Variants in ULK4 observed in about 807,000 individuals in gnomAD.
ULK4 encodes inactive serine/threonine-protein kinase ULK4.
ULK4 carries 133 observed loss-of-function variants against 160.6 expected under a neutral mutation model. The ratio of observed to expected loss-of-function variants is 0.83; its 90% CI spans 0.72 to 0.96. The LOEUF (loss-of-function observed/expected upper bound fraction) is 0.96. ULK4 is among the 40% of genes least tolerant of loss of function. The pLI is 0.00. For missense variants in ULK4, 1,580 were observed against 1,499.5 expected, an observed-to-expected ratio of 1.05 and a Z score of -0.89; for synonymous variants, 534 against 539.8, an observed-to-expected ratio of 0.99 and a Z score of 0.15.
intron 25 of ULK4, among the ~76,000 whole-genome samples, chr3:41,711,830 A>G (rs1175307510): frequency 6.6e-6 from 1 of 152,208 alleles, no homozygotes; most frequent in Non-Finnish European, 1.5e-5. Flanking sequence ...TCCTTAATTT[A>G]CTACTTCCTG....
chr3:41,262,069 C>T (rs934775409), intron 35 of ULK4, among the ~76,000 whole-genome samples: 4 of 152,222 alleles, frequency 2.6e-5, no homozygotes, highest in Admixed American at 2.6e-4. Flanking sequence ...CTCTCTCCTG[C>T]ATCCCACCCC....
chr3:41,678,317 G>A (rs2125786103), intron 29 of ULK4, among the ~76,000 whole-genome samples: 1 of 151,748 alleles, frequency 6.6e-6, no homozygotes, highest in Admixed American at 6.6e-5. Context: ...CAGCAGTTCT[G>A]ATAAGCATCT....
chr3:41,522,056 T>C (rs1404085749), intron 32 of ULK4, among the ~76,000 whole-genome samples: 2 of 152,124 alleles, frequency 1.3e-5, no homozygotes, highest in Non-Finnish European at 2.9e-5. Context: ...ACATGTAGTG[T>C]TATACGTCCC....
chr3:41,398,001 C>G, intron 35 of ULK4, 78 bp downstream of exon 35: 1 of 1,474,348 alleles, frequency 6.8e-7, no homozygotes, highest in Non-Finnish European at 9.1e-7. Context: ...GAAATTAGGT[C>G]CAAGAAATGG....
At chr3:41,430,909 G>C (rs943878297) in intron 34 of ULK4, among the ~76,000 whole-genome samples, 1 of 152,060 alleles carries the variant, frequency 6.6e-6, no homozygotes, top group African/African-American at 2.4e-5. Flanking sequence ...AGGTTTGGGG[G>C]TGGGGGTGGC....
At chr3:41,686,617 A>C (rs1375057215) in intron 27 of ULK4, among the ~76,000 whole-genome samples, 2 of 152,220 alleles carry the variant, frequency 1.3e-5, no homozygotes, top group Non-Finnish European at 2.9e-5. Context: ...CTTGAAATTA[A>C]AAGAAAAGAT....
intron 17 of ULK4, among the ~76,000 whole-genome samples, chr3:41,847,362 A>G (rs929966930): frequency 1.3e-5 from 2 of 152,216 alleles, no homozygotes; most frequent in African/African-American, 4.8e-5. Flanking sequence ...TTAAACTTCC[A>G]TGTTAGTGGA....
At chr3:41,655,163 A>C (rs993672136) in intron 30 of ULK4, among the ~76,000 whole-genome samples, 1 of 151,830 alleles carries the variant, frequency 6.6e-6, no homozygotes, top group Non-Finnish European at 1.5e-5. Flanking sequence ...AAAATCGTTT[A>C]AATTATCTAG....
chr3:41,471,234 A>T (rs991558792), intron 32 of ULK4, among the ~76,000 whole-genome samples: 3 of 152,170 alleles, frequency 2.0e-5, no homozygotes, highest in Non-Finnish European at 4.4e-5. Context: ...TTTAAACCAA[A>T]ACTACAGAAA....
At chr3:41,466,863 G>A (rs1208036957) in intron 32 of ULK4, among the ~76,000 whole-genome samples, 1 of 151,908 alleles carries the variant, frequency 6.6e-6, no homozygotes, top group East Asian at 1.9e-4. Flanking sequence ...GATAATAAAA[G>A]TACAAATAAT....
At chr3:41,300,589 T>C (rs1320297087) in intron 35 of ULK4, among the ~76,000 whole-genome samples, 1 of 151,756 alleles carries the variant, frequency 6.6e-6, no homozygotes, top group Non-Finnish European at 1.5e-5. Context: ...GTGTGAACCT[T>C]TATCTTAAGG....
intron 12 of ULK4, among the ~76,000 whole-genome samples, chr3:41,906,161 G>A (rs1169437049): frequency 7.4e-6 from 1 of 134,540 alleles, no homozygotes; most frequent in African/African-American, 2.7e-5. Context: ...AGCTTGCAGT[G>A]AGCCGAGATC....
chr3:41,456,099 G>A (rs776999556), intron 33 of ULK4, among the ~76,000 whole-genome samples: 10 of 152,064 alleles, frequency 6.6e-5, no homozygotes, highest in Non-Finnish European at 1.3e-4. Context: ...TAGTAGAGAC[G>A]GGGTTTTGCC....
chr3:41,389,496 T>C (rs560992587), intron 35 of ULK4, among the ~76,000 whole-genome samples: 4 of 152,312 alleles, frequency 2.6e-5, no homozygotes, highest in Non-Finnish European at 5.9e-5. Context: ...CAGCATGATA[T>C]TGGCTGTGGG....
At chr3:41,736,543 G>C (rs1271626023) in intron 22 of ULK4, among the ~76,000 whole-genome samples, 1 of 151,780 alleles carries the variant, frequency 6.6e-6, no homozygotes, top group Non-Finnish European at 1.5e-5. Context: ...GGGGTTGTTT[G>C]GTTTTTCCTT....
rs1392865409 is a variant in ULK4, at chr3:41,883,946, G to A, written c.1584C>T (p.Ala528=). Residue 528 remains alanine, a synonymous_variant, in exon 17 of 37, where the codon GCC becomes GCT. Transcript: ENST00000301831. The stretch of plus-strand genomic sequence containing the variant: ...GTAAACCAATTACGTGAGCAACCTT[G>A]GCCCGTCTGTAAATGGAGAGAAAAC... ...LRIAPNWDIR[A]KVAHVIGLLA... is the part of the protein sequence containing the mutation. 6.2e-7 allele frequency: 1 copy of A among 1,608,946 alleles called. No homozygotes were observed. The highest frequency in any genetic ancestry group is 1.1e-5 in the South Asian group (1 of 90,960).
Position 41,392,220 on chromosome 3 carries a change from A to G in ULK4, c.3678+5859T>C, listed in dbSNP as rs140555861. On this transcript the variant is annotated intron_variant, in intron 35 of 36. Coordinates refer to ENST00000301831, the MANE Select transcript of ULK4 (RefSeq NM_017886.4). ...AAGCTAAAGCAGGAAGTATAATTAT[A>G]AAACCTCCCAACTTCCTGTTCAATT... 6.7e-3 allele frequency among the ~76,000 whole-genome samples: 1,018 copies of G among 152,266 alleles called. 4 individuals carry two copies. Among genetic ancestry groups the G allele is most frequent in the East Asian group, 0.015 (79 of 5,182 alleles).
chr3:41,492,174 T>C (rs1212600337), intron 32 of ULK4, among the ~76,000 whole-genome samples: 2 of 151,240 alleles, frequency 1.3e-5, no homozygotes, highest in East Asian at 3.9e-4. Flanking sequence ...CTATTGTGAA[T>C]ACTGCCGCAA....
intron 31 of ULK4, among the ~76,000 whole-genome samples, chr3:41,584,395 G>A (rs2030627380): frequency 6.6e-6 from 1 of 152,022 alleles, no homozygotes; most frequent in Non-Finnish European, 1.5e-5. Context: ...AAGCTCAAGT[G>A]ACCCCCCTGC....
Sources: gnomAD v4.1 joint callset for allele counts (sites outside exome capture counted in the v4.1 genomes callset) on GRCh38, gnomAD v4.1.1 for gene constraint, MANE v1.5 for transcripts, NCBI Gene and HGNC (gene_info 2026-07-23, HGNC 2026-07-21) for gene names.